DIP2C: variants seen among roughly 807,000 people sequenced by gnomAD.
DIP2C encodes disco-interacting protein 2 homolog C.
In DIP2C, 33 loss-of-function variants were observed where a neutral mutation model predicts 192.4. The ratio of observed to expected loss-of-function variants is 0.17; its 90% CI spans 0.13 to 0.23. The LOEUF (loss-of-function observed/expected upper bound fraction) is 0.23. DIP2C is among the 10% of genes least tolerant of loss of function. DIP2C has a pLI of 1.00. For missense variants in DIP2C, 1,537 were observed against 2,110.1 expected, an observed-to-expected ratio of 0.73 and a Z score of 5.32; for synonymous variants, 979 against 864.1, an observed-to-expected ratio of 1.13 and a Z score of -2.33.
Position 651,662 on chromosome 10 carries a change from C to G in DIP2C, c.85+37832G>C, listed in dbSNP as rs777194576. 4 of 347,892 alleles carry G rather than the reference C, an allele frequency of 1.1e-5. No individual in the cohort carries two copies. The highest frequency in any genetic ancestry group is 9.0e-5 in the South Asian group (4 of 44,442). The allele number at this position is 347,892 out of a possible 1,614,324, so 21.6% of individuals were successfully genotyped here. A position where few individuals can be genotyped will look rare whatever the true frequency, so the allele number is the denominator to read the frequency against. ...TTGAACATTTATTTGAGTGAATTCA[C>G]GTCCCCCAAATTTTCCGTATCCCAA... On this transcript the variant is annotated intron_variant, in intron 1 of 36. Coordinates refer to ENST00000280886, the MANE Select transcript of DIP2C (RefSeq NM_014974.3). The surrounding 1 kb of genome is among the most constrained non-coding windows in gnomAD (Gnocchi z 4.1).
intron 1 of DIP2C, among the ~76,000 whole-genome samples, chr10:626,497 C>T (rs1054066914): frequency 1.3e-5 from 2 of 152,132 alleles, no homozygotes; most frequent in Admixed American, 6.5e-5. Flanking sequence ...TACCCTCCAT[C>T]CCATCCCTGG....
At position 477,805 on chromosome 10, in the gene DIP2C, AAG is replaced by A. The variant is rs1193492016; in HGVS notation, c.158-5258_158-5257del. ...GAGAGAGAAAGAAGGGAAGGAAGGA[AAG>A]AGAAGGAAAACAAGAGAGAAGGAGA... On this transcript the variant is annotated intron_variant, in intron 2 of 36. Transcript: ENST00000280886. Among the ~76,000 whole-genome samples, 584 of 135,336 alleles carry A rather than the reference AAG, an allele frequency of 4.3e-3. 4 individuals are homozygous for A. The highest frequency in any genetic ancestry group is 0.022 in the Middle Eastern group (6 of 268). 88.8% of individuals were successfully genotyped at this position (135,336 alleles called of 152,430 possible).
chr10:499,516 G>A (rs1021731067), intron 1 of DIP2C, among the ~76,000 whole-genome samples: 7 of 152,258 alleles, frequency 4.6e-5, no homozygotes, highest in Admixed American at 3.3e-4. Flanking sequence ...CATGGCGGCA[G>A]GTGAGAGGGA....
At chr10:628,540 C>T (rs1010413790) in intron 1 of DIP2C, 3 of 152,284 alleles carry the variant, frequency 2.0e-5, no homozygotes, top group African/African-American at 7.2e-5. Context: ...CTGGGAGCCT[C>T]GCTCTGATGG....
At chr10:340,954 G>A (rs1277301171) in intron 29 of DIP2C, 3 of 607,148 alleles carry the variant, frequency 4.9e-6, no homozygotes, top group South Asian at 3.0e-5. Context: ...CAGAAATAAA[G>A]GTCCGCAACA....
intron 7 of DIP2C, among the ~76,000 whole-genome samples, chr10:414,929 A>T (rs1965533796): frequency 7.6e-6 from 1 of 131,350 alleles, no homozygotes; most frequent in African/African-American, 3.0e-5. Flanking sequence ...TTTGGTAGAG[A>T]CAGGGTTTTG....
chr10:297,256 A>G (rs1360438422), intron 32 of DIP2C, among the ~76,000 whole-genome samples: 1 of 144,048 alleles, frequency 6.9e-6, no homozygotes, highest in Non-Finnish European at 1.5e-5. Context: ...ACACACACAC[A>G]CACACACACA....
rs759511507 is a variant in DIP2C, at chr10:357,832, C to T, written c.2900G>A (p.Arg967His). 1.9e-6 allele frequency: 3 copies of T among 1,611,596 alleles called. No homozygotes were observed. The highest frequency in any genetic ancestry group is 2.5e-6 in the Non-Finnish European group (3 of 1,179,134). ...LGQIEDNDQA[R>H]KFLFLSEVLQ... ...ACTCAGGGACCCAGCTCCTACCTTG[C>T]GTGCCTGGTCGTTATCTTCGATCTG... is the stretch of plus-strand genomic sequence containing the variant. The change falls in exon 23 of 37, where the codon CGC becomes CAC. Residue 967 changes from arginine to histidine, a missense_variant. Arg to His is a conservative substitution (Grantham distance 29). Transcript: ENST00000280886.
intron 1 of DIP2C, among the ~76,000 whole-genome samples, chr10:685,157 A>T (rs1317485818): frequency 3.9e-3 from 146 of 37,700 alleles, no homozygotes; most frequent in African/African-American, 0.012. Flanking sequence ...AAAAAAAAAA[A>T]AAAAATATAT....
At chr10:404,964 A>G (rs1964698604) in intron 9 of DIP2C, among the ~76,000 whole-genome samples, 1 of 152,240 alleles carries the variant, frequency 6.6e-6, no homozygotes. Flanking sequence ...AATGTTTGTA[A>G]GATTTCCACA....
intron 1 of DIP2C, among the ~76,000 whole-genome samples, chr10:562,623 T>G (rs1849281573): frequency 6.6e-6 from 1 of 152,248 alleles, no homozygotes; most frequent in African/African-American, 2.4e-5. Flanking sequence ...CTTTAAACAT[T>G]ACGTGTTAAA....
At chr10:346,706 C>T (rs1353586298) in intron 26 of DIP2C, among the ~76,000 whole-genome samples, 4 of 141,000 alleles carry the variant, frequency 2.8e-5, no homozygotes, top group African/African-American at 1.1e-4. Context: ...AGACACACCG[C>T]GCATAGTTCT....
chr10:471,667 G>A (rs533627759), intron 3 of DIP2C, among the ~76,000 whole-genome samples: 15 of 152,264 alleles, frequency 9.9e-5, no homozygotes, highest in African/African-American at 3.6e-4. Flanking sequence ...GAATTCACAG[G>A]TAATTTTCTT....
chr10:579,779 C>T (rs997567882), intron 1 of DIP2C, among the ~76,000 whole-genome samples: 2 of 151,962 alleles, frequency 1.3e-5, no homozygotes, highest in East Asian at 1.9e-4. Context: ...CATACACATC[C>T]ATATCCATAT....
At chr10:579,598 A>G (rs1257777598) in intron 1 of DIP2C, among the ~76,000 whole-genome samples, 3 of 152,128 alleles carry the variant, frequency 2.0e-5, no homozygotes, top group Non-Finnish European at 2.9e-5. Context: ...GAGCATACAC[A>G]TCCAAATAGT....
chr10:464,282 C>T (rs1308349946), intron 3 of DIP2C, among the ~76,000 whole-genome samples: 1 of 151,850 alleles, frequency 6.6e-6, no homozygotes, highest in Non-Finnish European at 1.5e-5. Flanking sequence ...CTACAAAGAA[C>T]TTAAACAAAT....
At chr10:338,448 C>T (rs1363703122) in intron 29 of DIP2C, among the ~76,000 whole-genome samples, 3 of 150,140 alleles carry the variant, frequency 2.0e-5, no homozygotes, top group Non-Finnish European at 4.4e-5. Context: ...TTCCCACCTT[C>T]TATACCATCT....
At chr10:559,660 G>A (rs1246256706) in intron 1 of DIP2C, among the ~76,000 whole-genome samples, 1 of 152,174 alleles carries the variant, frequency 6.6e-6, no homozygotes, top group African/African-American at 2.4e-5. Flanking sequence ...GGTTCTTCCA[G>A]GTAAGGAGTA....
At chr10:461,079 C>G (rs1242667125) in intron 3 of DIP2C, among the ~76,000 whole-genome samples, 1 of 152,190 alleles carries the variant, frequency 6.6e-6, no homozygotes, top group Non-Finnish European at 1.5e-5. Context: ...AAAACTGGTA[C>G]CAGCCACTGC....
Sources: allele counts gnomAD v4.1 joint callset (sites outside exome capture counted in the v4.1 genomes callset), GRCh38; gene constraint gnomAD v4.1.1; non-coding constraint Gnocchi (gnomAD v3.1); transcripts MANE v1.5; gene names NCBI Gene and HGNC (gene_info 2026-07-23, HGNC 2026-07-21).